Variants in TENM1 observed in about 807,000 individuals in gnomAD.
TENM1 encodes teneurin transmembrane protein 1.
A neutral mutation model predicts 174.8 loss-of-function variants in TENM1; 35 were observed. The ratio of observed to expected loss-of-function variants is 0.20; its 90% CI spans 0.15 to 0.27. The LOEUF (loss-of-function observed/expected upper bound fraction) is 0.27, where lower values mean the gene tolerates loss of function less well. Among genes scored for constraint, TENM1 ranks in the 10% least tolerant of loss-of-function variants. The pLI, the probability that TENM1 is intolerant of heterozygous loss-of-function variation, is 1.00. For missense variants in TENM1, 1,633 were observed against 2,130.1 expected (o/e 0.77, Z 4.59); for synonymous variants, 781 against 798.7 (o/e 0.98, Z 0.37).
chrX:125,114,389 T>C, the TENM1 span, among the ~76,000 whole-genome samples: 1 of 107,756 alleles, frequency 9.3e-6, no homozygotes, highest in Non-Finnish European at 1.9e-5. Flanking sequence ...AAAACTAAGA[T>C]CAGGGCAGAA....
chrX:124,702,038 C>T (rs1056899193), intron 5 of TENM1, among the ~76,000 whole-genome samples: 5 of 111,845 alleles, frequency 4.5e-5, no homozygotes, highest in African/African-American at 1.6e-4. Flanking sequence ...GAAACAGAAG[C>T]AGCAAGTAGT....
In TENM1 at chrX:124,520,924, T is replaced by C. The variant is rs1394493750; in HGVS notation, c.3034-140A>G. 7.1e-6 allele frequency: 4 copies of C among 563,441 alleles called. No individual in the cohort carries two copies. In the East Asian group the frequency reaches 1.4e-4, roughly 20 times the overall value. 46.4% of individuals were successfully genotyped at this position (563,441 alleles called of 1,213,427 possible). On this transcript the variant is annotated intron_variant, in intron 17 of 31. Coordinates refer to ENST00000422452, the Ensembl canonical transcript of TENM1. Reference sequence around the variant, plus strand: ...AGGTCTAAGGACGTCAAGGCATTTGTTCTTGAATCTTTGTGAGACTGTATG... The same window carrying C: ...AGGTCTAAGGACGTCAAGGCATTTGCTCTTGAATCTTTGTGAGACTGTATG...
chrX:125,180,988 C>T, the TENM1 span, among the ~76,000 whole-genome samples: 24 of 111,921 alleles, frequency 2.1e-4, no homozygotes, highest in East Asian at 1.1e-3. Flanking sequence ...CTCCACGAAG[C>T]GTTTCCAGAT....
At chrX:124,584,942 C>T (rs762177648) in intron 11 of TENM1, among the ~76,000 whole-genome samples, 15 of 109,382 alleles carry the variant, frequency 1.4e-4, no homozygotes, top group Non-Finnish European at 2.7e-4. Flanking sequence ...ACAAAGAAGG[C>T]CATTACATAA....
intron 3 of TENM1, among the ~76,000 whole-genome samples, chrX:124,874,710 G>A (rs1276970268): frequency 9.0e-6 from 1 of 110,760 alleles, no homozygotes; most frequent in Non-Finnish European, 1.9e-5. Context: ...ATTTATTCTG[G>A]TGTAGGGAGT....
chrX:124,706,159 C>T (rs1009273254), intron 4 of TENM1, among the ~76,000 whole-genome samples: 1 of 112,360 alleles, frequency 8.9e-6, no homozygotes, highest in Admixed American at 9.4e-5. Context: ...CGCCTAGCCT[C>T]CCAAAGTGCT....
At chrX:124,979,214 C>T in the TENM1 span, among the ~76,000 whole-genome samples, 6 of 112,592 alleles carry the variant, frequency 5.3e-5, no homozygotes, top group African/African-American at 1.9e-4. Context: ...TACCCACAGT[C>T]CAATAGTTTA....
At chrX:124,822,320 G>A (rs1249209902) in intron 3 of TENM1, among the ~76,000 whole-genome samples, 1 of 112,200 alleles carries the variant, frequency 8.9e-6, no homozygotes, top group African/African-American at 3.2e-5. Flanking sequence ...CACACCTCAT[G>A]GACTGTTACA....
At chrX:124,529,902 G>T in exon 16 of TENM1, 1 of 1,211,181 alleles carries the variant, frequency 8.3e-7, no homozygotes. Context: ...CATAATCACT[G>T]TGGTGCAAGA....
the TENM1 span, among the ~76,000 whole-genome samples, chrX:125,178,509 T>C: frequency 9.1e-6 from 1 of 110,138 alleles, no homozygotes; most frequent in African/African-American, 3.3e-5. Flanking sequence ...ATAGATTCAG[T>C]GAAATATCTG....
the TENM1 span, among the ~76,000 whole-genome samples, chrX:125,168,930 C>A: frequency 9.0e-6 from 1 of 110,617 alleles, no homozygotes; most frequent in Non-Finnish European, 1.9e-5. Context: ...TCATTGCAGG[C>A]CACTTAGTTT....
chrX:124,919,557 T>C (rs2057987799), intron 1 of TENM1, among the ~76,000 whole-genome samples: 1 of 110,816 alleles, frequency 9.0e-6, no homozygotes, highest in Non-Finnish European at 1.9e-5. Context: ...AGCAAGGGAA[T>C]GATAAACACA....
At chrX:124,762,010 C>T (rs1340902003) in intron 3 of TENM1, among the ~76,000 whole-genome samples, 3 of 111,954 alleles carry the variant, frequency 2.7e-5, no homozygotes. Flanking sequence ...GATGTTTGGT[C>T]TTTTACAATT....
intron 27 of TENM1, among the ~76,000 whole-genome samples, chrX:124,398,948 G>A (rs1382863957): frequency 1.8e-5 from 2 of 112,531 alleles, no homozygotes; most frequent in Non-Finnish European, 1.9e-5. Flanking sequence ...ACACAAAACT[G>A]CTTGAGTTAG....
upstream of TENM1, among the ~76,000 whole-genome samples, chrX:124,967,444 C>G (rs1315083263): frequency 9.0e-6 from 1 of 111,608 alleles, no homozygotes; most frequent in Non-Finnish European, 1.9e-5. Context: ...CATCCCATAT[C>G]CAGCCACGTC....
intron 22 of TENM1, among the ~76,000 whole-genome samples, 176 bp from the exon 26 acceptor site, chrX:124,453,667 C>G (rs2061069499): frequency 8.9e-6 from 1 of 111,946 alleles, no homozygotes; most frequent in African/African-American, 3.2e-5. Context: ...ACATTCACTT[C>G]TTTGTGTATT....
intron 3 of TENM1, among the ~76,000 whole-genome samples, chrX:124,865,483 C>G (rs2056984731): frequency 9.0e-6 from 1 of 111,246 alleles, no homozygotes; most frequent in African/African-American, 3.3e-5. Flanking sequence ...TATTTGCAAG[C>G]CTCATAGTAA....
At chrX:124,811,021 C>T (rs1001450311) in intron 3 of TENM1, among the ~76,000 whole-genome samples, 1 of 111,004 alleles carries the variant, frequency 9.0e-6, no homozygotes, top group Non-Finnish European at 1.9e-5. Flanking sequence ...AGGGCCTTAC[C>T]TCATACCATA....
At chrX:125,043,171 A>C in the TENM1 span, among the ~76,000 whole-genome samples, 1 of 95,675 alleles carries the variant, frequency 1.0e-5, no homozygotes, top group African/African-American at 3.8e-5. Context: ...AATGGGATCT[A>C]ATTAAACTAA....
Sources: gnomAD v4.1 joint callset for allele counts (sites outside exome capture counted in the v4.1 genomes callset) on GRCh38, gnomAD v4.1.1 for gene constraint, MANE v1.5 for transcripts, NCBI Gene and HGNC (gene_info 2026-07-23, HGNC 2026-07-21) for gene names.